CBR1: variants seen among roughly 807,000 people sequenced by gnomAD.
CBR1 encodes carbonyl reductase 1.
CBR1 carries 11 observed loss-of-function variants against 10.6 expected under a neutral mutation model. The ratio of observed to expected loss-of-function variants is 1.03; its 90% CI spans 0.65 to 1.71. CBR1 has a LOEUF of 1.71. Among genes scored for constraint, CBR1 ranks in the 40% most tolerant of loss-of-function variants. The probability of loss-of-function intolerance (pLI) is 0.00; values close to 1 mark genes in which losing one functional copy is unlikely to be tolerated. For synonymous variants in CBR1, 158 were observed against 156.7 expected, an observed-to-expected ratio of 1.01 and a Z score of -0.06; for missense variants, 361 against 368.6, an observed-to-expected ratio of 0.98 and a Z score of 0.17.
chr21:36,070,475 A>G, intron 1 of CBR1, 71 bp downstream of exon 1: 1 of 1,456,250 alleles, frequency 6.9e-7, no homozygotes, highest in African/African-American at 1.4e-5. Flanking sequence ...TGCGGGGTCC[A>G]TAACGCCTCC....
intron 2 of CBR1, 88 bp downstream of exon 2, chr21:36,071,145 C>T: frequency 1.2e-6 from 1 of 869,224 alleles, no homozygotes; most frequent in Non-Finnish European, 2.0e-6. Context: ...GCTCCTGCTT[C>T]CTCTCCATGC....
intron 2 of CBR1, chr21:36,071,592 C>T (rs2065352493): frequency 6.9e-6 from 4 of 579,258 alleles, no homozygotes; most frequent in Non-Finnish European, 6.1e-6. Flanking sequence ...TTCCCTAAGT[C>T]GTTTGGGACA....
chr21:36,072,590 A>G lies in CBR1; in HGVS notation c.542A>G (p.Lys181Arg), dbSNP rs1318349126. The change falls in exon 3 of 3, where the codon AAG becomes AGG. Residue 181 changes from lysine (K) to arginine (R), a missense_variant. By Grantham distance (26) the Lys-to-Arg change is conservative. Transcript: ENST00000290349. ...LMNKFVEDTK[K>R]GVHQKEGWPS... ...AACAAGTTTGTGGAGGATACAAAGA[A>G]GGGAGTGCACCAGAAGGAGGGCTGG... 3.7e-6 allele frequency: 6 copies of G among 1,602,946 alleles called. No homozygotes were observed. In the African/African-American group the frequency reaches 6.7e-5, roughly 18 times the overall value.
chr21:36,072,651 C>G lies in CBR1; in HGVS notation c.603C>G (p.Val201=). The change falls in exon 3 of 3, where the codon GTC becomes GTG. Residue 201 remains valine (V), a synonymous_variant. Transcript: ENST00000290349. ...SSAYGVTKIG[V]TVLSRIHARK... ...CATACGGGGTGACGAAGATTGGCGTCACCGTTCTGTCCAGGATCCACGCCA... is the reference window on the plus strand; with the variant it reads ...CATACGGGGTGACGAAGATTGGCGTGACCGTTCTGTCCAGGATCCACGCCA... 1 of 1,612,714 alleles carries G rather than the reference C, an allele frequency of 6.2e-7. No homozygotes were observed. Among genetic ancestry groups the G allele is most frequent in the Non-Finnish European group, 8.5e-7 (1 of 1,179,298 alleles).
chr21:36,070,451 G>A (rs372726650), intron 1 of CBR1, 47 bp downstream of exon 1: 1 of 1,531,462 alleles, frequency 6.5e-7, no homozygotes, highest in South Asian at 1.3e-5. Context: ...CGATGCACTG[G>A]GGCTCCTGGC....
Position 36,070,141 on chromosome 21 carries a change from T to C in CBR1, c.26T>C (p.Leu9Pro), listed in dbSNP as rs745692534. 2 of 1,560,964 alleles carry C rather than the reference T, an allele frequency of 1.3e-6. No individual in the cohort carries two copies. The highest frequency in any genetic ancestry group is 1.7e-6 in the Non-Finnish European group (2 of 1,154,276). Residue 9 changes from leucine to proline, a missense_variant, in exon 1 of 3, where the codon CTG becomes CCG. Coordinates refer to ENST00000290349, the MANE Select transcript of CBR1 (RefSeq NM_001757.4). MSSGIHVA[L>P]VTGGNKGIGL... ...ATGTCGTCCGGCATCCATGTAGCGC[T>C]GGTGACTGGAGGCAACAAGGGCATC...
chr21:36,072,079 A>G, intron 2 of CBR1: 1 of 1,487,850 alleles, frequency 6.7e-7, no homozygotes, highest in African/African-American at 1.4e-5. Flanking sequence ...AGCCACTTTT[A>G]GAAAAATTTA....
chr21:36,071,300 C>A, intron 2 of CBR1: 1 of 659,452 alleles, frequency 1.5e-6, no homozygotes, highest in South Asian at 1.7e-5. Context: ...TGACTCTCAT[C>A]CTTCAGGTCT....
chr21:36,070,878 T>TTTA, intron 1 of CBR1, 72 bp from the exon 2 acceptor site: 2 of 901,768 alleles, frequency 2.2e-6, no homozygotes, highest in African/African-American at 1.7e-5. Context: ...TTTTTTTTTT[T>TTTA]TTAGTATCAT....
chr21:36,070,958 C>G lies in CBR1; in HGVS notation c.298C>G (p.Pro100Ala), dbSNP rs1170972649. The G allele has an allele frequency of 6.2e-7, 1 of 1,610,512 alleles. No homozygotes were observed. The highest frequency in any genetic ancestry group is 8.5e-7 in the Non-Finnish European group (1 of 1,178,124). Residue 100 changes from proline to alanine, a missense_variant, in exon 2 of 3, where the codon CCC (proline) becomes GCC (alanine). Transcript: ENST00000290349. ...TCTTTCTCTCCTAAAAGTTGCTGAT[C>G]CCACACCCTTTCATATTCAAGCTGA... ...NAGIAFKVADPTPFHIQAEVT... is the reference protein window; with the variant it reads ...NAGIAFKVADATPFHIQAEVT...
intron 2 of CBR1, chr21:36,071,985 C>A: frequency 1.3e-6 from 2 of 1,534,752 alleles, no homozygotes; most frequent in Non-Finnish European, 1.7e-6. Context: ...TATCACATGT[C>A]TTTGGTTGTA....
chr21:36,070,390 G>C lies in CBR1; in HGVS notation c.275G>C (p.Gly92Ala), dbSNP rs773365505. Residue 92 changes from glycine (G) to alanine (A), a missense_variant, in exon 1 of 3, where the codon GGC (glycine) becomes GCC (alanine). Coordinates refer to ENST00000290349, the MANE Select transcript of CBR1 (RefSeq NM_001757.4). Reference protein sequence around the residue: ...GGLDVLVNNAGIAFKVADPTP... With the variant: ...GGLDVLVNNAAIAFKVADPTP... ...CTGGACGTGCTGGTCAACAACGCGGGCATCGCCTTCAAGGGTATGGGGAGG... is the reference window on the plus strand; with the variant it reads ...CTGGACGTGCTGGTCAACAACGCGGCCATCGCCTTCAAGGGTATGGGGAGG... 1.2e-6 allele frequency: 2 copies of C among 1,606,454 alleles called. No homozygotes were observed. The highest frequency in any genetic ancestry group is 2.2e-5 in the South Asian group (2 of 90,382).
intron 2 of CBR1, chr21:36,071,981 A>G (rs1457467629): frequency 7.8e-6 from 12 of 1,535,158 alleles, no homozygotes; most frequent in Non-Finnish European, 1.0e-5. Context: ...TGACTATCAC[A>G]TGTCTTTGGT....
At chr21:36,070,858 T>TG (rs113589610) in intron 1 of CBR1, 92 bp from the exon 2 acceptor site, 348,446 of 588,014 alleles carry the variant, frequency 0.59, 93,611 homozygotes, top group African/African-American at 0.69. Context: ...ACTAAGTTTT[T>TG]TTTTTTTTTT....
Position 36,070,120 on chromosome 21 carries a change from C to T in CBR1, c.5C>T (p.Ser2Leu), listed in dbSNP as rs2065337426. 1 of 1,515,766 alleles carries T rather than the reference C, an allele frequency of 6.6e-7. No individual in the cohort carries two copies. Among genetic ancestry groups the T allele is most frequent in the East Asian group, 2.4e-5 (1 of 42,452 alleles). The allele number at this position is 1,515,766 out of a possible 1,614,324, so 93.9% of individuals were successfully genotyped here. A position where few individuals can be genotyped will look rare whatever the true frequency, so the allele number is the denominator to read the frequency against. ...TTCCGCGCGCCCCGTTCAGCCATGTCGTCCGGCATCCATGTAGCGCTGGTG... is the reference window on the plus strand; with the variant it reads ...TTCCGCGCGCCCCGTTCAGCCATGTTGTCCGGCATCCATGTAGCGCTGGTG... Reference protein sequence around the residue: MSSGIHVALVTG... With the variant: MLSGIHVALVTG... Residue 2 changes from serine (S) to leucine (L), a missense_variant, in exon 1 of 3, where the codon TCG (serine) becomes TTG (leucine). Physicochemically the swap from Ser to Leu is moderately radical, Grantham distance 145. Coordinates refer to ENST00000290349, the MANE Select transcript of CBR1 (RefSeq NM_001757.4).
intron 2 of CBR1, chr21:36,071,376 C>A (rs2065351073): frequency 5.0e-6 from 3 of 603,374 alleles, no homozygotes; most frequent in Non-Finnish European, 8.8e-6. Flanking sequence ...GGAGTCCATC[C>A]TGTACCCTTT....
intron 2 of CBR1, chr21:36,072,077 T>G: frequency 2.0e-6 from 3 of 1,487,128 alleles, no homozygotes; most frequent in Non-Finnish European, 2.7e-6. Context: ...GCAGCCACTT[T>G]TAGAAAAATT....
chr21:36,071,710 G>A (rs764695258), intron 2 of CBR1: 67 of 722,032 alleles, frequency 9.3e-5, no homozygotes, highest in South Asian at 1.9e-4. Flanking sequence ...TCCTGAATCC[G>A]TCTCATTGCA....
chr21:36,071,684 G>T, intron 2 of CBR1: 1 of 637,938 alleles, frequency 1.6e-6, no homozygotes, highest in Non-Finnish European at 2.8e-6. Context: ...CCTAGGAGTT[G>T]TGCCCACTGA....
Sources: gnomAD v4.1 joint callset for allele counts on GRCh38, gnomAD v4.1.1 for gene constraint, MANE v1.5 for transcripts, NCBI Gene and HGNC (gene_info 2026-07-23, HGNC 2026-07-21) for gene names.